The following SH2D4A variants were observed in gnomAD, a reference collection of about 807,000 sequenced individuals.
SH2D4A encodes SH2 domain-containing protein 4A.
SH2D4A carries 70 observed loss-of-function variants against 64.7 expected under a neutral mutation model. That is an observed-to-expected ratio of 1.08 (90% CI 0.89 to 1.32). The LOEUF (loss-of-function observed/expected upper bound fraction) is 1.32. SH2D4A is among the 40% of genes most tolerant of loss of function. The pLI is 0.00. For synonymous variants in SH2D4A, 268 were observed against 200.7 expected (o/e 1.34, Z -2.83); for missense variants, 706 against 540.1 (o/e 1.31, Z -3.04).
chr8:19,364,391 C>G, intron 7 of SH2D4A, 109 bp downstream of exon 7: 1 of 1,213,644 alleles, frequency 8.2e-7, no homozygotes, highest in Non-Finnish European at 1.2e-6. Context: ...GGAGGGCCAA[C>G]TGGCAGCCTG....
chr8:19,341,406 C>G (rs1454906144), intron 4 of SH2D4A, among the ~76,000 whole-genome samples: 3 of 152,112 alleles, frequency 2.0e-5, no homozygotes, highest in African/African-American at 7.2e-5. Context: ...AGTTAGTGAC[C>G]ATAATCCTTA....
intron 4 of SH2D4A, among the ~76,000 whole-genome samples, chr8:19,351,816 C>T (rs1448318698): frequency 6.6e-6 from 1 of 152,056 alleles, no homozygotes; most frequent in Non-Finnish European, 1.5e-5. Flanking sequence ...TGGAGTCTTG[C>T]TCTGTCGCCC....
chr8:19,370,022 G>A (rs544098476), intron 7 of SH2D4A, among the ~76,000 whole-genome samples: 62 of 151,918 alleles, frequency 4.1e-4, no homozygotes, highest in African/African-American at 1.3e-3. Flanking sequence ...ATTTTCATTC[G>A]TCTCAAGAAC....
chr8:19,320,664 C>T (rs1182227843), intron 2 of SH2D4A, among the ~76,000 whole-genome samples: 2 of 144,312 alleles, frequency 1.4e-5, no homozygotes, highest in African/African-American at 5.1e-5. Flanking sequence ...AGCATATACA[C>T]ATACAGACAC....
At chr8:19,320,419 G>T (rs1374171747) in intron 2 of SH2D4A, among the ~76,000 whole-genome samples, 2 of 151,938 alleles carry the variant, frequency 1.3e-5, no homozygotes, top group Non-Finnish European at 2.9e-5. Context: ...TTGAGTCCAG[G>T]AGTTCTGACC....
intron 2 of SH2D4A, 139 bp from the exon 3 acceptor site, chr8:19,332,816 G>A: frequency 1.6e-6 from 1 of 619,182 alleles, no homozygotes; most frequent in Non-Finnish European, 2.5e-6. Context: ...ATGTTCCTGA[G>A]CAGTTGGAAG....
At chr8:19,374,536 T>C (rs1355659859) in intron 8 of SH2D4A, among the ~76,000 whole-genome samples, 1 of 152,198 alleles carries the variant, frequency 6.6e-6, no homozygotes, top group Non-Finnish European at 1.5e-5. Context: ...CACAGAAATA[T>C]ACCCACAAAA....
chr8:19,383,861 A>G (rs1181403117), intron 8 of SH2D4A, among the ~76,000 whole-genome samples: 1 of 152,196 alleles, frequency 6.6e-6, no homozygotes, highest in African/African-American at 2.4e-5. Context: ...TGTAATCACT[A>G]GATTACCTAG....
intron 5 of SH2D4A, among the ~76,000 whole-genome samples, chr8:19,360,295 GTT>G (rs573228137): frequency 5.9e-5 from 8 of 135,164 alleles, no homozygotes; most frequent in Non-Finnish European, 4.9e-5. Context: ...ATATTTTTCT[GTT>G]TTTTTTTTTT....
chr8:19,364,165 G>T lies in SH2D4A; in HGVS notation c.800G>T (p.Gly267Val), dbSNP rs764492728. Residue 267 changes from glycine to valine, a missense_variant, in exon 7 of 10, where the codon GGA becomes GTA. Transcript: ENST00000265807. ...YKRLSLGAQK[G>V]RGGERLQSPL... ...AGGTTATCCCTCGGGGCCCAGAAAG[G>T]AAGAGGCGGTGAGAGGCTGCAAAGC... is the stretch of plus-strand genomic sequence containing the variant. 1 of 1,614,122 alleles carries T rather than the reference G, an allele frequency of 6.2e-7. No individual in the cohort carries two copies. Among genetic ancestry groups the T allele is most frequent in the Admixed American group, 1.7e-5 (1 of 60,026 alleles).
At chr8:19,392,041 A>G (rs1250043102) in intron 8 of SH2D4A, among the ~76,000 whole-genome samples, 2 of 151,892 alleles carry the variant, frequency 1.3e-5, no homozygotes, top group African/African-American at 4.8e-5. Flanking sequence ...ATGCGTTTCT[A>G]CTCTGTGAGT....
chr8:19,387,042 T>C (rs1306939766), intron 8 of SH2D4A, among the ~76,000 whole-genome samples: 3 of 123,338 alleles, frequency 2.4e-5, no homozygotes, highest in African/African-American at 9.5e-5. Flanking sequence ...TTGTTCTTTG[T>C]AGAGATGGGG....
At chr8:19,321,451 C>T (rs1316384780) in intron 2 of SH2D4A, among the ~76,000 whole-genome samples, 11 of 152,144 alleles carry the variant, frequency 7.2e-5, no homozygotes, top group Non-Finnish European at 1.0e-4. Context: ...AGACCTCAAA[C>T]GATCTGCCCA....
At position 19,365,491 on chromosome 8, in the gene SH2D4A, G is replaced by A. The variant is rs190435874; in HGVS notation, c.917+1209G>A. On this transcript the variant is annotated intron_variant, in intron 7 of 9. Transcript: ENST00000265807. ...AGTGCTGGAGCTTGTCTGTCCGCAC[G>A]TTGGCGACAGAGCCTCAGCAGGGAT... Among the ~76,000 whole-genome samples, 13 of 152,304 alleles carry A rather than the reference G, an allele frequency of 8.5e-5. No individual in the cohort carries two copies. The East Asian group carries it at 2.1e-3, about 25-fold the overall frequency.
intron 1 of SH2D4A, among the ~76,000 whole-genome samples, chr8:19,317,964 C>T (rs778189447): frequency 3.9e-5 from 6 of 151,962 alleles, no homozygotes; most frequent in South Asian, 2.1e-4. Context: ...TGTAGTGGCG[C>T]GATCTCGGCT....
At chr8:19,371,471 C>G (rs997957023) in intron 7 of SH2D4A, among the ~76,000 whole-genome samples, 3 of 151,926 alleles carry the variant, frequency 2.0e-5, no homozygotes, top group African/African-American at 7.3e-5. Context: ...TTATTTGCTG[C>G]TTTTCTTTAG....
chr8:19,360,487 G>A (rs1430681130), intron 5 of SH2D4A, among the ~76,000 whole-genome samples: 1 of 152,016 alleles, frequency 6.6e-6, no homozygotes, highest in African/African-American at 2.4e-5. Context: ...GATGGCACTT[G>A]CCTGTAATCC....
chr8:19,344,283 G>A (rs558127084), intron 4 of SH2D4A, among the ~76,000 whole-genome samples: 5 of 152,256 alleles, frequency 3.3e-5, no homozygotes, highest in African/African-American at 1.2e-4. Context: ...CCCTGGAGAA[G>A]AATCCGCTTA....
chr8:19,314,062 TCTGG>T, intron 1 of SH2D4A: 15 of 966,620 alleles, frequency 1.6e-5, no homozygotes, highest in Non-Finnish European at 1.8e-5. Context: ...GTGTCCGGTG[TCTGG>T]AGCCGCTGGC....
Sources: gnomAD v4.1 joint callset for allele counts (sites outside exome capture counted in the v4.1 genomes callset) on GRCh38, gnomAD v4.1.1 for gene constraint, MANE v1.5 for transcripts, NCBI Gene and HGNC (gene_info 2026-07-23, HGNC 2026-07-21) for gene names.